HS6ST2: variants seen among roughly 807,000 people sequenced by gnomAD.
HS6ST2 encodes heparan sulfate 6-O-sulfotransferase 2, also known as heparan-sulfate 6-O-sulfotransferase 2.
In HS6ST2, 17 loss-of-function variants were observed where a neutral mutation model predicts 33.0. The observed-to-expected ratio is 0.52, with a 90% CI of 0.35 to 0.77. The LOEUF (loss-of-function observed/expected upper bound fraction) is 0.77. Among genes scored for constraint, HS6ST2 ranks in the 30% least tolerant of loss-of-function variants. The pLI, the probability that HS6ST2 is intolerant of heterozygous loss-of-function variation, is 0.01. For synonymous variants in HS6ST2, 248 were observed against 237.1 expected (o/e 1.05, Z -0.42); for missense variants, 519 against 551.7 (o/e 0.94, Z 0.59).
intron 2 of HS6ST2, among the ~76,000 whole-genome samples, chrX:132,914,090 C>T (rs1290916336): frequency 3.6e-5 from 4 of 111,927 alleles, no homozygotes; most frequent in African/African-American, 1.3e-4. Flanking sequence ...TTGAATTACA[C>T]AAAACTCACT....
chrX:132,899,918 T>C lies in HS6ST2; in HGVS notation c.947+56890A>G, dbSNP rs139969296. 6.5e-3 allele frequency among the ~76,000 whole-genome samples: 726 copies of C among 111,055 alleles called. 1 individual carries two copies. Among genetic ancestry groups the C allele is most frequent in the Middle Eastern group, 0.023 (5 of 215 alleles). On this transcript the variant is annotated intron_variant, in intron 2 of 4. Coordinates refer to ENST00000370833, the MANE Select transcript of HS6ST2 (RefSeq NM_001394073.1). ...ACAATAGTGTGACATCTTTGAAGTA[T>C]TGAAAGAAAAAACTGACACCTTATC...
chrX:132,709,310 A>C (rs1360489506), intron 2 of HS6ST2, among the ~76,000 whole-genome samples: 1 of 112,323 alleles, frequency 8.9e-6, no homozygotes, highest in African/African-American at 3.2e-5. Flanking sequence ...ATGTAGCAAC[A>C]CTTCTTTTAT....
intron 2 of HS6ST2, among the ~76,000 whole-genome samples, chrX:132,795,427 C>T (rs751404703): frequency 8.1e-5 from 9 of 111,566 alleles, no homozygotes; most frequent in Non-Finnish European, 1.7e-4. Flanking sequence ...TGACAGATTC[C>T]TGTGTGGCCC....
intron 2 of HS6ST2, among the ~76,000 whole-genome samples, chrX:132,750,948 C>T (rs1472133065): frequency 3.6e-5 from 4 of 112,027 alleles, no homozygotes; most frequent in Non-Finnish European, 7.5e-5. Context: ...AGCTCCAAGC[C>T]GACAGTGGGA....
intron 2 of HS6ST2, among the ~76,000 whole-genome samples, chrX:132,749,683 T>C (rs991031641): frequency 2.7e-5 from 3 of 111,597 alleles, no homozygotes; most frequent in African/African-American, 9.8e-5. Flanking sequence ...CAAGGGAGTC[T>C]GGATGCATTT....
At chrX:132,696,949 A>C (rs969799142) in intron 3 of HS6ST2, among the ~76,000 whole-genome samples, 1 of 112,075 alleles carries the variant, frequency 8.9e-6, no homozygotes, top group African/African-American at 3.2e-5. Context: ...CAAATCAAGA[A>C]TTCACTTTTA....
intron 3 of HS6ST2, among the ~76,000 whole-genome samples, chrX:132,673,577 A>G (rs1254034439): frequency 2.7e-5 from 3 of 112,356 alleles, no homozygotes; most frequent in Non-Finnish European, 5.6e-5. Context: ...CTTGTAAGTG[A>G]TAACTGAGAT....
chrX:132,809,602 T>C (rs1446642819), intron 2 of HS6ST2, among the ~76,000 whole-genome samples: 1 of 111,501 alleles, frequency 9.0e-6, no homozygotes, highest in Non-Finnish European at 1.9e-5. Flanking sequence ...GCTAAATAAC[T>C]GAAGTTTCTT....
At chrX:132,747,626 C>T (rs960767627) in intron 2 of HS6ST2, among the ~76,000 whole-genome samples, 2 of 111,134 alleles carry the variant, frequency 1.8e-5, no homozygotes, top group Non-Finnish European at 3.8e-5. Context: ...CCCTCCCTCT[C>T]TGTGGGCCTC....
At chrX:132,786,354 A>G (rs2065060450) in intron 2 of HS6ST2, among the ~76,000 whole-genome samples, 1 of 111,242 alleles carries the variant, frequency 9.0e-6, no homozygotes, top group Admixed American at 9.6e-5. Context: ...TAAAATCTTG[A>G]AGATGTGGCA....
At chrX:132,932,181 A>G (rs1038514934) in intron 2 of HS6ST2, among the ~76,000 whole-genome samples, 1 of 80,734 alleles carries the variant, frequency 1.2e-5, no homozygotes, top group Non-Finnish European at 2.7e-5. Flanking sequence ...GCAAGACTCC[A>G]CCTCAAAAAA....
chrX:132,955,100 C>T (rs1490000152), intron 2 of HS6ST2, among the ~76,000 whole-genome samples: 1 of 112,394 alleles, frequency 8.9e-6, no homozygotes, highest in Non-Finnish European at 1.9e-5. Flanking sequence ...TGGAATTCTA[C>T]TTTTGCCCAG....
chrX:132,844,816 A>T (rs748943493), intron 2 of HS6ST2, among the ~76,000 whole-genome samples: 8 of 111,420 alleles, frequency 7.2e-5, no homozygotes, highest in Non-Finnish European at 1.5e-4. Context: ...ATATAGATAA[A>T]GAAATCTCAA....
At chrX:132,822,428 G>A (rs181659960) in intron 2 of HS6ST2, among the ~76,000 whole-genome samples, 33 of 111,382 alleles carry the variant, frequency 3.0e-4, no homozygotes, top group Admixed American at 5.7e-4. Flanking sequence ...ATGGAGGAAG[G>A]AGAAGAGTAA....
intron 3 of HS6ST2, among the ~76,000 whole-genome samples, chrX:132,685,179 C>A (rs1190464548): frequency 1.8e-5 from 2 of 111,676 alleles, no homozygotes; most frequent in Non-Finnish European, 1.9e-5. Context: ...TTAATTAATT[C>A]TCTGGCCCTT....
chrX:132,662,133 T>G (rs1245474245), intron 4 of HS6ST2, among the ~76,000 whole-genome samples: 1 of 110,954 alleles, frequency 9.0e-6, no homozygotes, highest in African/African-American at 3.3e-5. Context: ...TAGACCCAAA[T>G]ACATATGGAC....
At chrX:132,742,630 T>C (rs780462763) in intron 2 of HS6ST2, among the ~76,000 whole-genome samples, 2 of 112,351 alleles carry the variant, frequency 1.8e-5, no homozygotes, top group South Asian at 3.7e-4. Flanking sequence ...CAACAACAGG[T>C]GCAATACAGG....
intron 2 of HS6ST2, among the ~76,000 whole-genome samples, chrX:132,828,131 T>C (rs1483946486): frequency 3.6e-5 from 4 of 111,088 alleles, no homozygotes; most frequent in Non-Finnish European, 7.5e-5. Context: ...AACCAAGCAC[T>C]TCATACCCTC....
At chrX:132,668,709 G>A (rs962043892) in intron 4 of HS6ST2, among the ~76,000 whole-genome samples, 2 of 111,803 alleles carry the variant, frequency 1.8e-5, no homozygotes, top group African/African-American at 6.5e-5. Context: ...TCTAACTCAA[G>A]CCTAAACTCA....
Sources: allele counts gnomAD v4.1 joint callset (sites outside exome capture counted in the v4.1 genomes callset), GRCh38; gene constraint gnomAD v4.1.1; transcripts MANE v1.5; gene names NCBI Gene and HGNC (gene_info 2026-07-23, HGNC 2026-07-21).